Variants in TMEM45A observed in about 807,000 individuals in gnomAD.
TMEM45A encodes transmembrane protein 45A.
In TMEM45A, 25 loss-of-function variants were observed where a neutral mutation model predicts 32.0. The ratio of observed to expected loss-of-function variants is 0.78; its 90% CI spans 0.57 to 1.09. TMEM45A has a LOEUF of 1.09. Among genes scored for constraint, TMEM45A ranks in the 50% least tolerant of loss-of-function variants. The probability of loss-of-function intolerance (pLI) is 0.00; values close to 1 mark genes in which losing one functional copy is unlikely to be tolerated. For missense variants in TMEM45A, 302 were observed against 325.0 expected, an observed-to-expected ratio of 0.93 and a Z score of 0.54; for synonymous variants, 122 against 114.8, an observed-to-expected ratio of 1.06 and a Z score of -0.40.
rs187034869 is a variant in TMEM45A, at chr3:100,567,716, T to C, written c.589-1106T>C. Among the ~76,000 whole-genome samples, 72 of 152,248 alleles carry C rather than the reference T, an allele frequency of 4.7e-4. 2 individuals carry two copies. In the East Asian group the frequency reaches 7.1e-3, roughly 15 times the overall value. The stretch of plus-strand genomic sequence containing the variant: ...GATTTTGGTGTACAAGTCTTAAACC[T>C]CCTTGATTAAATTTATTCTTAAAGT... On this transcript the variant is annotated intron_variant, in intron 4 of 5. Transcript: ENST00000323523.
chr3:100,505,571 C>A (rs1255017974), intron 1 of TMEM45A, among the ~76,000 whole-genome samples: 1 of 152,166 alleles, frequency 6.6e-6, no homozygotes, highest in Non-Finnish European at 1.5e-5. Context: ...GGTCCAAGGA[C>A]CTTACTTTGA....
chr3:100,574,680 A>G (rs1420360284), intron 5 of TMEM45A: 1 of 152,236 alleles, frequency 6.6e-6, no homozygotes, highest in Admixed American at 6.5e-5. Context: ...TCTACTGGCT[A>G]GATTGTGTCT....
chr3:100,495,784 T>G (rs1307694557), intron 1 of TMEM45A, among the ~76,000 whole-genome samples: 1 of 152,084 alleles, frequency 6.6e-6, no homozygotes, highest in Non-Finnish European at 1.5e-5. Flanking sequence ...TCTGTTTAAG[T>G]GGTCTGGTGC....
At chr3:100,560,397 T>C (rs907072637) in intron 4 of TMEM45A, among the ~76,000 whole-genome samples, 3 of 152,316 alleles carry the variant, frequency 2.0e-5, no homozygotes, top group East Asian at 1.9e-4. Flanking sequence ...TGTTAGTTTG[T>C]AGTTTTTTTG....
At chr3:100,566,336 C>T (rs1025580176) in intron 4 of TMEM45A, among the ~76,000 whole-genome samples, 3 of 151,994 alleles carry the variant, frequency 2.0e-5, no homozygotes, top group Non-Finnish European at 4.4e-5. Context: ...AATTGCAAAA[C>T]GGTTGCCACA....
intron 2 of TMEM45A, among the ~76,000 whole-genome samples, chr3:100,555,997 T>G (rs1455107437): frequency 6.6e-6 from 1 of 152,200 alleles, no homozygotes; most frequent in African/African-American, 2.4e-5. Flanking sequence ...TTTCCTTTTT[T>G]CTTTTGAGAT....
At chr3:100,508,640 T>A (rs905457576) in intron 1 of TMEM45A, among the ~76,000 whole-genome samples, 4 of 151,950 alleles carry the variant, frequency 2.6e-5, no homozygotes, top group African/African-American at 9.7e-5. Flanking sequence ...GAATAGAGAA[T>A]TCAGAAATAA....
chr3:100,519,387 ATG>A (rs5851210), intron 1 of TMEM45A: 180,990 of 504,450 alleles, frequency 0.36, 23,073 homozygotes, highest in African/African-American at 0.66. Context: ...GTGTGTGTGC[ATG>A]TGTGTGTGTG....
chr3:100,535,206 C>T (rs925491293), intron 1 of TMEM45A, among the ~76,000 whole-genome samples: 6 of 151,996 alleles, frequency 3.9e-5, no homozygotes, highest in East Asian at 1.9e-4. Context: ...CTACAACGTC[C>T]GCTTCCCGGG....
At chr3:100,561,268 T>C (rs1233910925) in intron 4 of TMEM45A, among the ~76,000 whole-genome samples, 1 of 152,202 alleles carries the variant, frequency 6.6e-6, no homozygotes, top group Non-Finnish European at 1.5e-5. Context: ...AAGCTAACAA[T>C]ATTATGTCGT....
Position 100,575,363 on chromosome 3 carries a change from C to CTCTTTTTTTTTTTTTTTT in TMEM45A, c.735-1561_735-1560insCTTTTTTTTTTTTTTTTT, listed in dbSNP as rs1706660425. Among the ~76,000 whole-genome samples, 18 of 62,758 alleles carry CTCTTTTTTTTTTTTTTTT rather than the reference C, an allele frequency of 2.9e-4. 1 individual carries two copies. Among genetic ancestry groups the CTCTTTTTTTTTTTTTTTT allele is most frequent in the African/African-American group, 9.1e-4 (17 of 18,628 alleles). 41.2% of individuals were successfully genotyped at this position (62,758 alleles called of 152,430 possible). ...TGCTTCCCCCAGGCCTATGGATTCT[C>CTCTTTTTTTTTTTTTTTT]TTTTTTTTTTTTTTTTTTTTTTTTT... is the stretch of plus-strand genomic sequence containing the variant. On this transcript the variant is annotated intron_variant, in intron 5 of 5. Coordinates refer to ENST00000323523, the MANE Select transcript of TMEM45A (RefSeq NM_018004.3).
chr3:100,541,170 G>T (rs555414304), intron 1 of TMEM45A, among the ~76,000 whole-genome samples: 1 of 152,112 alleles, frequency 6.6e-6, no homozygotes, highest in Non-Finnish European at 1.5e-5. Context: ...TTTTAATGGG[G>T]TTATTTGTTT....
intron 5 of TMEM45A, among the ~76,000 whole-genome samples, chr3:100,575,298 A>T (rs1185581875): frequency 6.6e-6 from 1 of 151,748 alleles, no homozygotes; most frequent in Non-Finnish European, 1.5e-5. Flanking sequence ...TTCAGCTGCT[A>T]ATCAGTGTCA....
chr3:100,531,292 G>A (rs182897252), intron 1 of TMEM45A, among the ~76,000 whole-genome samples: 6 of 152,192 alleles, frequency 3.9e-5, no homozygotes, highest in Admixed American at 3.3e-4. Flanking sequence ...GTGTGTCTGC[G>A]TGAGTGTATG....
At chr3:100,513,655 G>T (rs1320308754) in intron 1 of TMEM45A, among the ~76,000 whole-genome samples, 13 of 150,390 alleles carry the variant, frequency 8.6e-5, no homozygotes, top group African/African-American at 2.9e-4. Context: ...GAAATAAAGG[G>T]TATTCAATTA....
chr3:100,564,881 A>G (rs1706397955), intron 4 of TMEM45A, among the ~76,000 whole-genome samples: 1 of 152,202 alleles, frequency 6.6e-6, no homozygotes, highest in African/African-American at 2.4e-5. Context: ...TTTAATGGTA[A>G]TATAGTGCCA....
intron 5 of TMEM45A, among the ~76,000 whole-genome samples, chr3:100,576,334 C>A (rs1162167366): frequency 2.0e-5 from 3 of 152,126 alleles, no homozygotes; most frequent in Non-Finnish European, 4.4e-5. Flanking sequence ...GTCTGTAATT[C>A]CAGCTACTCA....
intron 1 of TMEM45A, among the ~76,000 whole-genome samples, chr3:100,546,877 C>T (rs999425377): frequency 6.6e-6 from 1 of 152,154 alleles, no homozygotes; most frequent in Admixed American, 6.5e-5. Flanking sequence ...CTCTGGTCTT[C>T]GTTAACTCTG....
At chr3:100,546,230 T>A (rs1705977488) in intron 1 of TMEM45A, among the ~76,000 whole-genome samples, 1 of 152,210 alleles carries the variant, frequency 6.6e-6, no homozygotes, top group Admixed American at 6.5e-5. Context: ...GGGATAGGCA[T>A]GTAGGGGCAG....
Sources: gnomAD v4.1 joint callset for allele counts (sites outside exome capture counted in the v4.1 genomes callset) on GRCh38, gnomAD v4.1.1 for gene constraint, MANE v1.5 for transcripts, NCBI Gene and HGNC (gene_info 2026-07-23, HGNC 2026-07-21) for gene names.